Variants in FILIP1L observed in about 807,000 individuals in gnomAD.
The protein encoded by FILIP1L is filamin A interacting protein 1 like.
In FILIP1L, 55 loss-of-function variants were observed where a neutral mutation model predicts 96.6. The observed-to-expected ratio is 0.57, with a 90% confidence interval of 0.46 to 0.71. The LOEUF (loss-of-function observed/expected upper bound fraction) is 0.71. FILIP1L is among the 30% of genes least tolerant of loss of function. The pLI is 0.00. For missense variants in FILIP1L, 1,304 were observed against 1,321.2 expected, an observed-to-expected ratio of 0.99 and a Z score of 0.20; for synonymous variants, 467 against 473.9, an observed-to-expected ratio of 0.99 and a Z score of 0.19.
At chr3:99,983,470 A>G (rs12107753) in intron 1 of FILIP1L, among the ~76,000 whole-genome samples, 651 of 9,714 alleles carry the variant, frequency 0.067, 19 homozygotes, top group East Asian at 0.27. Context: ...GTGTGTATAT[A>G]TATATATATA....
chr3:99,841,861 G>A (rs1277763449), intron 5 of FILIP1L, among the ~76,000 whole-genome samples: 3 of 152,146 alleles, frequency 2.0e-5, no homozygotes, highest in Non-Finnish European at 2.9e-5. Flanking sequence ...TGTGGTGAAA[G>A]GGGAACACTT....
chr3:100,088,356 T>G (rs2066048401), intron 1 of FILIP1L, among the ~76,000 whole-genome samples: 1 of 152,168 alleles, frequency 6.6e-6, no homozygotes, highest in Non-Finnish European at 1.5e-5. Context: ...TACAGATACC[T>G]AGATCCCCCA....
chr3:100,094,812 T>C (rs1279327205), intron 1 of FILIP1L, among the ~76,000 whole-genome samples: 1 of 150,028 alleles, frequency 6.7e-6, no homozygotes, highest in Non-Finnish European at 1.5e-5. Flanking sequence ...GCCTCCCAAG[T>C]AGCTGGGACT....
chr3:99,961,539 C>T (rs527736030), intron 1 of FILIP1L, among the ~76,000 whole-genome samples: 4 of 152,210 alleles, frequency 2.6e-5, no homozygotes, highest in East Asian at 1.9e-4. Context: ...CATCCAGTGA[C>T]GTGCAGCTGA....
At chr3:99,834,852 T>C (rs1942831618) in intron 5 of FILIP1L, among the ~76,000 whole-genome samples, 1 of 152,234 alleles carries the variant, frequency 6.6e-6, no homozygotes, top group Non-Finnish European at 1.5e-5. Flanking sequence ...GCAAACACTT[T>C]ACCCATGTAA....
chr3:99,992,256 A>G (rs1260387429), intron 1 of FILIP1L, among the ~76,000 whole-genome samples: 2 of 152,232 alleles, frequency 1.3e-5, no homozygotes, highest in East Asian at 1.9e-4. Context: ...ACTGTTTTGC[A>G]TAAAGGTTGT....
chr3:99,910,142 T>C (rs1706746703), intron 4 of FILIP1L, among the ~76,000 whole-genome samples: 1 of 136,706 alleles, frequency 7.3e-6, no homozygotes, highest in African/African-American at 2.5e-5. Flanking sequence ...AGTTGGTTTA[T>C]ACGTAATTTC....
At chr3:100,076,172 C>A (rs747502978) in intron 1 of FILIP1L, among the ~76,000 whole-genome samples, 1 of 152,130 alleles carries the variant, frequency 6.6e-6, no homozygotes, top group Non-Finnish European at 1.5e-5. Context: ...AAAATGTAAA[C>A]AATAATTTTG....
chr3:99,999,516 A>T (rs533313485), intron 1 of FILIP1L, among the ~76,000 whole-genome samples: 1 of 152,356 alleles, frequency 6.6e-6, no homozygotes, highest in East Asian at 1.9e-4. Context: ...AGGTGCATGA[A>T]TATGGGAACA....
intron 1 of FILIP1L, among the ~76,000 whole-genome samples, chr3:99,965,762 G>A (rs1708631055): frequency 6.6e-6 from 1 of 152,192 alleles, no homozygotes; most frequent in African/African-American, 2.4e-5. Flanking sequence ...AAGGTTACCA[G>A]ATGGAGGTCA....
At chr3:99,968,262 T>A (rs772069569) in intron 1 of FILIP1L, among the ~76,000 whole-genome samples, 20 of 152,062 alleles carry the variant, frequency 1.3e-4, no homozygotes, top group Non-Finnish European at 2.5e-4. Flanking sequence ...TTAACCTTCT[T>A]TGAACAAAAA....
chr3:100,018,322 A>T (rs568875788), intron 1 of FILIP1L, among the ~76,000 whole-genome samples: 89 of 152,196 alleles, frequency 5.8e-4, no homozygotes, highest in Admixed American at 1.1e-3. Flanking sequence ...GCAAAACTCC[A>T]TCTCCAAACA....
At chr3:100,022,314 A>C (rs1471741334) in intron 1 of FILIP1L, among the ~76,000 whole-genome samples, 4 of 152,180 alleles carry the variant, frequency 2.6e-5, no homozygotes, top group African/African-American at 9.7e-5. Context: ...AAGTTGAGCC[A>C]GTGCCATGTC....
intron 1 of FILIP1L, among the ~76,000 whole-genome samples, chr3:100,113,406 A>C (rs2066523066): frequency 6.6e-6 from 1 of 152,244 alleles, no homozygotes; most frequent in Admixed American, 6.5e-5. Context: ...GGTGTTACAG[A>C]ACAAGTTCTT....
intron 1 of FILIP1L, among the ~76,000 whole-genome samples, chr3:99,966,764 T>C (rs1708665963): frequency 1.3e-5 from 2 of 152,220 alleles, no homozygotes; most frequent in African/African-American, 4.8e-5. Context: ...GCAGGATCTC[T>C]GTAAAGTTAT....
chr3:100,014,106 C>G (rs1191659902), intron 1 of FILIP1L, among the ~76,000 whole-genome samples: 4 of 151,438 alleles, frequency 2.6e-5, no homozygotes, highest in Admixed American at 2.0e-4. Context: ...TTTCATTTAA[C>G]ATAATGTCCT....
intron 1 of FILIP1L, among the ~76,000 whole-genome samples, chr3:100,102,400 A>T (rs2066325512): frequency 6.6e-6 from 1 of 152,176 alleles, no homozygotes; most frequent in East Asian, 1.9e-4. Context: ...TGGAAATGGG[A>T]TAATAAGGAA....
chr3:99,984,198 T>C (rs1377498583), intron 1 of FILIP1L, among the ~76,000 whole-genome samples: 3 of 152,046 alleles, frequency 2.0e-5, no homozygotes, highest in Non-Finnish European at 4.4e-5. Context: ...GGAATGTGAT[T>C]GTTTGAGAGC....
chr3:99,961,710 T>A (rs879492119), intron 1 of FILIP1L, among the ~76,000 whole-genome samples: 19 of 152,252 alleles, frequency 1.2e-4, no homozygotes, highest in Middle Eastern at 3.4e-3. Flanking sequence ...CTAAAAAAAA[T>A]TTTTTAAGAA....
Sources: gnomAD v4.1 joint callset for allele counts (sites outside exome capture counted in the v4.1 genomes callset) on GRCh38, gnomAD v4.1.1 for gene constraint, MANE v1.5 for transcripts, NCBI Gene and HGNC (gene_info 2026-07-23, HGNC 2026-07-21) for gene names.